ANK1: variants seen among roughly 807,000 people sequenced by gnomAD.
The protein encoded by ANK1 is ankyrin-1.
Under a neutral mutation model 210.4 loss-of-function variants are expected in ANK1, and 51 were observed. That is an observed-to-expected ratio of 0.24 (90% CI 0.19 to 0.31). ANK1 has a LOEUF of 0.31. ANK1 is among the 10% of genes least tolerant of loss of function. ANK1 has a pLI of 1.00. For missense variants in ANK1, 2,051 were observed against 2,504.4 expected (o/e 0.82, Z 3.86); for synonymous variants, 967 against 1,025.9 (o/e 0.94, Z 1.10).
At position 41,826,149 on chromosome 8, in the gene ANK1, G is replaced by C. The variant is rs7825382; in HGVS notation, c.127-68012C>G. 4.4e-3 allele frequency among the ~76,000 whole-genome samples: 663 copies of C among 152,216 alleles called. 5 individuals are homozygous for C. Among genetic ancestry groups the C allele is most frequent in the African/African-American group, 0.016 (650 of 41,520 alleles). Reference sequence around the variant, plus strand: ...TAGCATCCAATCCTATAGAGGGGAGGGGTCCTTGGTGCCCCCAACCTGCCA... The same window carrying C: ...TAGCATCCAATCCTATAGAGGGGAGCGGTCCTTGGTGCCCCCAACCTGCCA... On this transcript the variant is annotated intron_variant, in intron 1 of 42. Coordinates refer to the ANK1 transcript ENST00000265709.
intron 37 of ANK1, among the ~76,000 whole-genome samples, chr8:41,677,882 A>G (rs1456699328): frequency 6.6e-6 from 1 of 151,942 alleles, no homozygotes; most frequent in Non-Finnish European, 1.5e-5. Context: ...GAACCACTGC[A>G]CCTGGCCTTG....
At chr8:41,796,599 A>C (rs1249047263) in intron 1 of ANK1, among the ~76,000 whole-genome samples, 1 of 151,312 alleles carries the variant, frequency 6.6e-6, no homozygotes, top group Non-Finnish European at 1.5e-5. Context: ...GATGCCACTA[A>C]AAAGAAATTC....
intron 1 of ANK1, among the ~76,000 whole-genome samples, chr8:41,876,394 G>A (rs1816621757): frequency 6.6e-6 from 1 of 152,260 alleles, no homozygotes; most frequent in African/African-American, 2.4e-5. Flanking sequence ...GCCCCACCCG[G>A]AGAGGGGCTG....
At chr8:41,802,952 G>C (rs1442016645) in intron 1 of ANK1, among the ~76,000 whole-genome samples, 1 of 52,570 alleles carries the variant, frequency 1.9e-5, no homozygotes, top group Non-Finnish European at 5.1e-5. Context: ...AGAGAAAGGG[G>C]GGGGGGGAGA....
At chr8:41,693,079 A>ACTGGG in intron 30 of ANK1, 26 bp downstream of exon 30, 2 of 1,575,746 alleles carry the variant, frequency 1.3e-6, no homozygotes, top group Middle Eastern at 1.7e-4. Flanking sequence ...CCCACACAAT[A>ACTGGG]CTGGGCTGGG....
At position 41,768,623 on chromosome 8, in the gene ANK1, A is replaced by G. The variant is rs1202113113; in HGVS notation, c.28-10486T>C. On this transcript the variant is annotated intron_variant, in intron 1 of 42. Transcript: ENST00000289734. ...AGCCAAATTGATCCAAAGCCCTGCCACTGGCCGCACCAGCAAGATTCCTAA... is the reference window on the plus strand; with the variant it reads ...AGCCAAATTGATCCAAAGCCCTGCCGCTGGCCGCACCAGCAAGATTCCTAA... 2.6e-5 allele frequency among the ~76,000 whole-genome samples: 4 copies of G among 152,144 alleles called. No individual in the cohort carries two copies. The East Asian group carries it at 7.7e-4, about 29-fold the overall frequency.
chr8:41,721,357 C>T (rs1262333881), intron 9 of ANK1, among the ~76,000 whole-genome samples: 1 of 152,044 alleles, frequency 6.6e-6, no homozygotes, highest in Non-Finnish European at 1.5e-5. Context: ...CCCTCACAGC[C>T]TCAGAAGGAA....
intron 1 of ANK1, among the ~76,000 whole-genome samples, chr8:41,890,733 GA>G (rs1488636148): frequency 1.0e-4 from 15 of 146,608 alleles, no homozygotes; most frequent in Non-Finnish European, 1.5e-4. Flanking sequence ...AAAGAAAAAA[GA>G]AAAAAAGAAA....
intron 13 of ANK1, among the ~76,000 whole-genome samples, chr8:41,716,194 C>T (rs1827628579): frequency 6.6e-6 from 1 of 152,150 alleles, no homozygotes; most frequent in Non-Finnish European, 1.5e-5. Flanking sequence ...GCGTTTGGTG[C>T]ATAAAAGGCA....
At chr8:41,684,968 C>T (rs1305051035) in intron 36 of ANK1, among the ~76,000 whole-genome samples, 1 of 152,202 alleles carries the variant, frequency 6.6e-6, no homozygotes, top group African/African-American at 2.4e-5. Context: ...TGGTCTCACT[C>T]TGTCACCCAG....
intron 41 of ANK1, 47 bp downstream of exon 41, chr8:41,661,829 T>A: frequency 6.2e-7 from 1 of 1,614,058 alleles, no homozygotes; most frequent in East Asian, 2.2e-5. Context: ...GTAATCAATA[T>A]CGACCTCCAG....
chr8:41,818,335 G>A (rs548791431), intron 1 of ANK1, among the ~76,000 whole-genome samples: 1 of 152,304 alleles, frequency 6.6e-6, no homozygotes, highest in South Asian at 2.1e-4. Flanking sequence ...ATATAAGAGA[G>A]CACAGAAGAG....
chr8:41,763,881 C>CTTTTTTGTTTTTTT (rs1841052618), intron 1 of ANK1, among the ~76,000 whole-genome samples: 1 of 72,142 alleles, frequency 1.4e-5, no homozygotes, highest in Non-Finnish European at 2.7e-5. Context: ...TTCTTTTTTT[C>CTTTTTTGTTTTTTT]TTTTTTTCTT....
In ANK1 at chr8:41,655,637, TCATGCCGTCAGC is replaced by T. The variant is rs1370303698; in HGVS notation, c.*141_*152del. On this transcript the variant is annotated 3_prime_UTR_variant, in exon 43 of 43. Coordinates refer to ENST00000289734, the MANE Select transcript of ANK1 (RefSeq NM_000037.4). ...GACTAGCAGGAGTCCCTTACAGAGG[TCATGCCGTCAGC>T]CCAGAGGAATGTGTGCACCGCTGCG... is the stretch of plus-strand genomic sequence containing the variant. 6 of 1,499,414 alleles carry T rather than the reference TCATGCCGTCAGC, an allele frequency of 4.0e-6. No individual in the cohort carries two copies. Among genetic ancestry groups the T allele is most frequent in the Non-Finnish European group, 5.6e-6 (6 of 1,079,034 alleles). The allele number at this position is 1,499,414 out of a possible 1,614,324, so 92.9% of individuals were successfully genotyped here.
At chr8:41,767,457 G>T (rs1842091737) in intron 1 of ANK1, among the ~76,000 whole-genome samples, 1 of 151,846 alleles carries the variant, frequency 6.6e-6, no homozygotes, top group Non-Finnish European at 1.5e-5. Flanking sequence ...CGCGGGGAGC[G>T]CCAGCAAGTT....
intron 1 of ANK1, among the ~76,000 whole-genome samples, chr8:41,822,064 AAGAGAGAGAGAGAGAGAG>A (rs10605195): frequency 0.016 from 596 of 36,166 alleles, 6 homozygotes; most frequent in African/African-American, 0.078. Flanking sequence ...GAAAGAAAGA[AAGAGAGAGAGAGAGAGAG>A]AGAGAGAGAG....
At chr8:41,764,453 C>T (rs907338052) in intron 1 of ANK1, among the ~76,000 whole-genome samples, 1 of 152,232 alleles carries the variant, frequency 6.6e-6, no homozygotes, top group Admixed American at 6.5e-5. Context: ...CAAAAAACAA[C>T]AGCAACAAAA....
chr8:41,708,856 G>A lies in ANK1; in HGVS notation c.1920C>T (p.His640=). The change falls in exon 17 of 43, where the codon CAC becomes CAT. Residue 640 remains histidine, a synonymous_variant. Coordinates refer to ENST00000289734, the MANE Select transcript of ANK1 (RefSeq NM_000037.4). The stretch of plus-strand genomic sequence containing the variant: ...CTGCGTGGCCCTCCTGGGCGGCCAG[G>A]TGAAGGGGCGTCACACCTTGCACCG... ...AESVQGVTPL[H]LAAQEGHAEM... 1 of 1,614,078 alleles carries A rather than the reference G, an allele frequency of 6.2e-7. No individual in the cohort carries two copies. Among genetic ancestry groups the A allele is most frequent in the Non-Finnish European group, 8.5e-7 (1 of 1,180,032 alleles).
intron 1 of ANK1, among the ~76,000 whole-genome samples, chr8:41,788,178 TGA>T: frequency 6.6e-6 from 1 of 152,220 alleles, no homozygotes; most frequent in Admixed American, 6.5e-5. Flanking sequence ...ACAGTCTCGA[TGA>T]CAGATTCAAG....
Sources: gnomAD v4.1 joint callset for allele counts (sites outside exome capture counted in the v4.1 genomes callset) on GRCh38, gnomAD v4.1.1 for gene constraint, MANE v1.5 for transcripts, NCBI Gene and HGNC (gene_info 2026-07-23, HGNC 2026-07-21) for gene names.